The following ETS1 variants were observed in gnomAD, a reference collection of about 807,000 sequenced individuals.
ETS1 encodes ETS proto-oncogene 1, transcription factor.
In ETS1, 15 loss-of-function variants were observed where a neutral mutation model predicts 58.6. That is an observed-to-expected ratio of 0.26 (90% confidence interval 0.17 to 0.39). The LOEUF (loss-of-function observed/expected upper bound fraction) is 0.39, where lower values mean the gene tolerates loss of function less well. ETS1 is among the 10% of genes least tolerant of loss of function. The probability of loss-of-function intolerance (pLI) is 1.00; values close to 1 mark genes in which losing one functional copy is unlikely to be tolerated. For synonymous variants in ETS1, 214 were observed against 218.2 expected, an observed-to-expected ratio of 0.98 and a Z score of 0.17; for missense variants, 417 against 610.5, an observed-to-expected ratio of 0.68 and a Z score of 3.34.
chr11:128,509,828 T>C (rs1402454199), intron 3 of ETS1, among the ~76,000 whole-genome samples: 1 of 152,164 alleles, frequency 6.6e-6, no homozygotes, highest in Non-Finnish European at 1.5e-5. Context: ...TTGGGCAAAT[T>C]ATCTGAACTT....
At chr11:128,487,770 T>C (rs1862676218) in intron 5 of ETS1, among the ~76,000 whole-genome samples, 1 of 151,772 alleles carries the variant, frequency 6.6e-6, no homozygotes, top group South Asian at 2.1e-4. Context: ...AAAATAAAAA[T>C]ATACTGAAAG....
chr11:128,572,812 G>A (rs1864663897), intron 2 of ETS1, among the ~76,000 whole-genome samples: 1 of 152,178 alleles, frequency 6.6e-6, no homozygotes, highest in Admixed American at 6.5e-5. Flanking sequence ...TCATATTTGA[G>A]TCATTTCTCT....
chr11:128,462,359 CA>C lies in ETS1; in HGVS notation c.*1del, dbSNP rs1271776153. On this transcript the variant is annotated 3_prime_UTR_variant, in exon 10 of 10. Coordinates refer to ENST00000392668, the MANE Select transcript of ETS1 (RefSeq NM_001143820.2). The stretch of plus-strand genomic sequence containing the variant: ...AGGGTTTCCCCAGCCCCTTCAGTGC[CA>C]TCACTCGTCGGCATCTGGCTTGACG... 1.9e-6 allele frequency: 3 copies of C among 1,609,934 alleles called. No individual in the cohort carries two copies. The Admixed American group carries it at 5.0e-5, about 27-fold the overall frequency.
intron 3 of ETS1, among the ~76,000 whole-genome samples, chr11:128,534,086 A>T (rs1338522752): frequency 1.3e-5 from 2 of 152,354 alleles, no homozygotes; most frequent in African/African-American, 2.4e-5. Flanking sequence ...GATCTCCTAC[A>T]CATGCACACA....
chr11:128,544,900 G>A (rs911075241), intron 3 of ETS1, among the ~76,000 whole-genome samples: 1 of 152,092 alleles, frequency 6.6e-6, no homozygotes, highest in African/African-American at 2.4e-5. Flanking sequence ...GGAAGTCTGT[G>A]TAAACTTCAG....
chr11:128,533,421 C>A (rs559903333), intron 3 of ETS1, among the ~76,000 whole-genome samples: 1 of 152,172 alleles, frequency 6.6e-6, no homozygotes, highest in African/African-American at 2.4e-5. Context: ...CCCTTAGATA[C>A]TCCTCACCGC....
chr11:128,585,332 C>CAAGGAAGGAAGGAAGGAAGGAAGG (rs71055286), intron 1 of ETS1, among the ~76,000 whole-genome samples: 2 of 137,218 alleles, frequency 1.5e-5, no homozygotes, highest in East Asian at 4.5e-4. Flanking sequence ...AGGAAGGAAG[C>CAAGGAAGGAAGGAAGGAAGGAAGG]AAGGAAGGAA....
chr11:128,542,926 A>T (rs1864077268), intron 3 of ETS1, among the ~76,000 whole-genome samples: 1 of 152,154 alleles, frequency 6.6e-6, no homozygotes, highest in Non-Finnish European at 1.5e-5. Context: ...TAATCCCAGC[A>T]CTTTGGGAGG....
chr11:128,567,023 G>A (rs1339023862), intron 2 of ETS1, among the ~76,000 whole-genome samples: 1 of 152,178 alleles, frequency 6.6e-6, no homozygotes, highest in Non-Finnish European at 1.5e-5. Flanking sequence ...TCAACCAGTC[G>A]ATCAATCAAT....
chr11:128,533,675 C>A (rs527583673), intron 3 of ETS1, among the ~76,000 whole-genome samples: 2 of 152,312 alleles, frequency 1.3e-5, no homozygotes, highest in Admixed American at 1.3e-4. Context: ...AAATCACCTC[C>A]CCCATGGTTT....
intron 3 of ETS1, among the ~76,000 whole-genome samples, chr11:128,534,694 G>A (rs1863947111): frequency 6.6e-6 from 1 of 152,176 alleles, no homozygotes; most frequent in Non-Finnish European, 1.5e-5. Context: ...TTCTGTTCCT[G>A]TGTTAGTTTG....
At chr11:128,519,626 C>A (rs1863611649) in intron 3 of ETS1, among the ~76,000 whole-genome samples, 2 of 152,226 alleles carry the variant, frequency 1.3e-5, no homozygotes, top group Admixed American at 1.3e-4. Flanking sequence ...CCGTTTCTCC[C>A]ATCCTTGCTT....
chr11:128,535,466 AT>A (rs1385451973), intron 3 of ETS1, among the ~76,000 whole-genome samples: 2 of 152,066 alleles, frequency 1.3e-5, no homozygotes. Flanking sequence ...CTTTTGTTGA[AT>A]TGCTTTTGAT....
intron 3 of ETS1, among the ~76,000 whole-genome samples, chr11:128,507,261 G>C (rs1458252564): frequency 6.6e-6 from 1 of 152,236 alleles, no homozygotes; most frequent in Non-Finnish European, 1.5e-5. Context: ...GGCAGGGACG[G>C]AGGGAGGGAG....
chr11:128,490,719 T>TTC (rs1293707388), intron 3 of ETS1, 143 bp from the exon 4 acceptor site: 2 of 524,138 alleles, frequency 3.8e-6, no homozygotes, highest in African/African-American at 2.0e-5. Flanking sequence ...AGGCAATTTT[T>TTC]TTTTTTTTTT....
At chr11:128,582,278 CTCACAA>C (rs1864890296) in intron 1 of ETS1, among the ~76,000 whole-genome samples, 1 of 152,108 alleles carries the variant, frequency 6.6e-6, no homozygotes, top group African/African-American at 2.4e-5. Context: ...ATTTCTTAAC[CTCACAA>C]TCAGTTTCCT....
At chr11:128,504,537 G>T (rs560619213) in intron 3 of ETS1, among the ~76,000 whole-genome samples, 2 of 152,372 alleles carry the variant, frequency 1.3e-5, no homozygotes, top group East Asian at 3.9e-4. Flanking sequence ...CTGGTCAGGG[G>T]TCTTACACTA....
chr11:128,477,844 CTA>C (rs1862364502), intron 8 of ETS1, among the ~76,000 whole-genome samples: 1 of 152,094 alleles, frequency 6.6e-6, no homozygotes, highest in African/African-American at 2.4e-5. Context: ...GTTTTTTTCT[CTA>C]TGTCTAGCAC....
chr11:128,514,509 C>G (rs368004248), intron 3 of ETS1, among the ~76,000 whole-genome samples: 4 of 152,166 alleles, frequency 2.6e-5, no homozygotes, highest in African/African-American at 9.7e-5. Context: ...GTTCTTACAC[C>G]TCCTTCAAAT....
Sources: gnomAD v4.1 joint callset for allele counts (sites outside exome capture counted in the v4.1 genomes callset) on GRCh38, gnomAD v4.1.1 for gene constraint, MANE v1.5 for transcripts, NCBI Gene and HGNC (gene_info 2026-07-23, HGNC 2026-07-21) for gene names.